The following IQGAP1 variants were observed in gnomAD, a reference collection of about 807,000 sequenced individuals.
The protein encoded by IQGAP1 is ras GTPase-activating-like protein IQGAP1.
Under a neutral mutation model 215.6 loss-of-function variants are expected in IQGAP1, and 66 were observed. That is an observed-to-expected ratio of 0.31 (90% CI 0.25 to 0.38). The LOEUF (loss-of-function observed/expected upper bound fraction) is 0.38. IQGAP1 is among the 10% of genes least tolerant of loss of function. The pLI is 1.00. For missense variants in IQGAP1, 1,712 were observed against 1,997.1 expected (o/e 0.86, Z 2.72); for synonymous variants, 772 against 728.7 (o/e 1.06, Z -0.96).
intron 9 of IQGAP1, among the ~76,000 whole-genome samples, chr15:90,447,496 A>T (rs1314229422): frequency 6.6e-6 from 1 of 152,118 alleles, no homozygotes; most frequent in East Asian, 1.9e-4. Flanking sequence ...GATAAGTACT[A>T]TTATGCCCCA....
chr15:90,464,865 AT>A (rs1965809555), intron 15 of IQGAP1, among the ~76,000 whole-genome samples: 1 of 151,858 alleles, frequency 6.6e-6, no homozygotes, highest in African/African-American at 2.4e-5. Flanking sequence ...AAAAAAAAAA[AT>A]TGGAAGATAT....
At chr15:90,424,085 T>G (rs1343888131) in intron 2 of IQGAP1, among the ~76,000 whole-genome samples, 5 of 152,108 alleles carry the variant, frequency 3.3e-5, no homozygotes, top group Admixed American at 2.0e-4. Flanking sequence ...AGGCTGAGGT[T>G]GTTAGGTTTT....
Position 90,482,644 on chromosome 15 carries a change from A to G in IQGAP1, c.3555+363A>G, listed in dbSNP as rs1213061741. The G allele has an allele frequency of 1.3e-5, 9 of 678,190 alleles. No individual in the cohort carries two copies. The Admixed American group carries it at 1.6e-4, about 12-fold the overall frequency. The allele number at this position is 678,190 out of a possible 1,614,324, so 42.0% of individuals were successfully genotyped here. On this transcript the variant is annotated intron_variant, in intron 28 of 37. Transcript: ENST00000268182. ...GCTGATAACTCTTTCTTACTCAGCTATGCTCTTCTCTTTTCTTTTTTTTTT... is the reference window on the plus strand; with the variant it reads ...GCTGATAACTCTTTCTTACTCAGCTGTGCTCTTCTCTTTTCTTTTTTTTTT...
At chr15:90,400,687 C>T (rs8036475) in intron 2 of IQGAP1, among the ~76,000 whole-genome samples, 2,039 of 152,288 alleles carry the variant, frequency 0.013, 35 homozygotes, top group African/African-American at 0.046. Context: ...CCTCATTTGG[C>T]ATGTATTTCT....
At chr15:90,413,544 C>G (rs1018789103) in intron 2 of IQGAP1, among the ~76,000 whole-genome samples, 1 of 152,050 alleles carries the variant, frequency 6.6e-6, no homozygotes, top group South Asian at 2.1e-4. Flanking sequence ...CATTTTTAGA[C>G]GTAATGTCAG....
intron 2 of IQGAP1, among the ~76,000 whole-genome samples, chr15:90,415,005 T>C (rs1223667575): frequency 6.6e-6 from 1 of 152,238 alleles, no homozygotes; most frequent in Non-Finnish European, 1.5e-5. Context: ...ATAGAAGTGT[T>C]TGTAAGTTTG....
At chr15:90,390,660 C>A (rs1964622630) in intron 1 of IQGAP1, 114 bp from the exon 2 acceptor site, 10 of 691,480 alleles carry the variant, frequency 1.4e-5, no homozygotes, top group Non-Finnish European at 2.1e-5. Context: ...GCTACACACT[C>A]ATTAGTTATC....
intron 15 of IQGAP1, among the ~76,000 whole-genome samples, chr15:90,465,261 A>G (rs1394677198): frequency 6.6e-6 from 1 of 152,260 alleles, no homozygotes; most frequent in East Asian, 1.9e-4. Context: ...TGACAGTCTT[A>G]AAAACATTAG....
At chr15:90,484,450 T>A in intron 30 of IQGAP1, 98 bp downstream of exon 30, 1 of 866,082 alleles carries the variant, frequency 1.2e-6, no homozygotes, top group Non-Finnish European at 1.8e-6. Flanking sequence ...AACCTTCCTG[T>A]AATCTAACTG....
At chr15:90,481,899 T>C in intron 26 of IQGAP1, 61 bp from the exon 27 acceptor site, 2 of 1,566,846 alleles carry the variant, frequency 1.3e-6, no homozygotes, top group Non-Finnish European at 8.8e-7. Flanking sequence ...ATAAGACACT[T>C]GCTTCAGGCT....
intron 10 of IQGAP1, 35 bp from the exon 11 acceptor site, chr15:90,449,524 A>G: frequency 1.9e-6 from 3 of 1,549,024 alleles, no homozygotes; most frequent in Non-Finnish European, 2.7e-6. Flanking sequence ...CATAGGAATG[A>G]GTAATCTTTA....
chr15:90,420,611 T>C (rs1232975158), intron 2 of IQGAP1, among the ~76,000 whole-genome samples: 1 of 152,244 alleles, frequency 6.6e-6, no homozygotes, highest in Admixed American at 6.5e-5. Context: ...TGAGATGGGC[T>C]GAAAGATCTT....
At chr15:90,439,685 A>G (rs1170318878) in intron 6 of IQGAP1, among the ~76,000 whole-genome samples, 2 of 152,102 alleles carry the variant, frequency 1.3e-5, no homozygotes, top group African/African-American at 2.4e-5. Context: ...ATGTTAACAC[A>G]TAACACTAAA....
Position 90,388,329 on chromosome 15 carries a change from G to C in IQGAP1, c.-13G>C. 3 of 1,595,808 alleles carry C rather than the reference G, an allele frequency of 1.9e-6. No individual in the cohort carries two copies. Among genetic ancestry groups the C allele is most frequent in the South Asian group, 1.1e-5 (1 of 90,372 alleles). On this transcript the variant is annotated 5_prime_UTR_variant, in exon 1 of 38. Transcript: ENST00000268182. ...TTCACGGCTTCCTCAGCAGAGACTC[G>C]GGCTCGTCCGCCATGTCCGCCGCAG...
chr15:90,404,978 A>G (rs563092487), intron 2 of IQGAP1, among the ~76,000 whole-genome samples: 14 of 152,256 alleles, frequency 9.2e-5, no homozygotes, highest in African/African-American at 2.6e-4. Flanking sequence ...TTTTTGCATG[A>G]TTTTTAAAGA....
chr15:90,418,446 C>T (rs1413537550), intron 2 of IQGAP1, among the ~76,000 whole-genome samples: 3 of 151,612 alleles, frequency 2.0e-5, no homozygotes, highest in African/African-American at 4.8e-5. Flanking sequence ...AAATTAGCCT[C>T]GTGTGGTGGT....
chr15:90,474,973 C>G lies in IQGAP1; in HGVS notation c.2784+280C>G, dbSNP rs941855543. On this transcript the variant is annotated intron_variant, in intron 23 of 37. Coordinates refer to ENST00000268182, the MANE Select transcript of IQGAP1 (RefSeq NM_003870.4). ...TACAGGCACGTGACACTATACCTGG[C>G]TAATGTTTTTTGATTTTTGGCTTTT... 5 of 257,180 alleles carry G rather than the reference C, an allele frequency of 1.9e-5. No individual in the cohort carries two copies. In the Admixed American group the frequency reaches 2.0e-4, roughly 10 times the overall value. 15.9% of individuals were successfully genotyped at this position (257,180 alleles called of 1,614,324 possible). A position where few individuals can be genotyped will look rare whatever the true frequency, so the allele number is the denominator to read the frequency against.
intron 2 of IQGAP1, among the ~76,000 whole-genome samples, chr15:90,413,097 A>G (rs1964992358): frequency 6.6e-6 from 1 of 152,072 alleles, no homozygotes; most frequent in Non-Finnish European, 1.5e-5. Flanking sequence ...TAGAGTGGGT[A>G]GGGCCAAGTA....
intron 2 of IQGAP1, among the ~76,000 whole-genome samples, chr15:90,405,750 T>TC (rs1964868822): frequency 6.6e-6 from 1 of 151,982 alleles, no homozygotes; most frequent in African/African-American, 2.4e-5. Context: ...AGGTTTTTTT[T>TC]TTTTTTCTGG....
Sources: allele counts gnomAD v4.1 joint callset (sites outside exome capture counted in the v4.1 genomes callset), GRCh38; gene constraint gnomAD v4.1.1; transcripts MANE v1.5; gene names NCBI Gene and HGNC (gene_info 2026-07-23, HGNC 2026-07-21).